The following KRT6C variants were observed in gnomAD, a reference collection of about 807,000 sequenced individuals.
KRT6C encodes the protein keratin 6C, also known as keratin, type II cytoskeletal 6C.
KRT6C carries 46 observed loss-of-function variants against 49.4 expected under a neutral mutation model. The observed-to-expected ratio is 0.93, with a 90% CI of 0.74 to 1.19. The LOEUF (loss-of-function observed/expected upper bound fraction) is 1.19, where lower values mean the gene tolerates loss of function less well. Among genes scored for constraint, KRT6C ranks in the 50% most tolerant of loss-of-function variants. KRT6C has a pLI of 0.00. For missense variants in KRT6C, 552 were observed against 737.5 expected (o/e 0.75, Z 2.91); for synonymous variants, 236 against 297.1 (o/e 0.79, Z 2.12).
chr12:52,472,430 A>T lies in KRT6C; in HGVS notation c.541-150T>A, dbSNP rs181244466. On this transcript the variant is annotated intron_variant, in intron 1 of 8. Transcript: ENST00000252250. The stretch of plus-strand genomic sequence containing the variant: ...GCTCAGGCTGAGCTCTGCTCCCCCA[A>T]CCCCTTCTCCTTTGCACCCCACCAG... The T allele has an allele frequency of 1.8e-5, 14 of 758,340 alleles. No individual in the cohort carries two copies. The African/African-American group carries it at 1.9e-4, about 10-fold the overall frequency. 47.0% of individuals were successfully genotyped at this position (758,340 alleles called of 1,614,324 possible). A position where few individuals can be genotyped will look rare whatever the true frequency, so the allele number is the denominator to read the frequency against.
rs1442386404 is a variant in KRT6C, at chr12:52,468,539, A to C, written c.*523T>G. ...CATTATTCTAAAACCTGCTTTATTT[A>C]GAAATTACAAAGAGCAAAGAGCAGA... On this transcript the variant is annotated 3_prime_UTR_variant, in exon 9 of 9. Coordinates refer to ENST00000252250, the MANE Select transcript of KRT6C (RefSeq NM_173086.5). 6.2e-6 allele frequency: 1 copy of C among 162,072 alleles called. No individual in the cohort carries two copies. Among genetic ancestry groups the C allele is most frequent in the Non-Finnish European group, 1.4e-5 (1 of 73,128 alleles). 10.0% of individuals were successfully genotyped at this position (162,072 alleles called of 1,614,324 possible). A position where few individuals can be genotyped will look rare whatever the true frequency, so the allele number is the denominator to read the frequency against.
chr12:52,470,732 G>A, intron 5 of KRT6C, 102 bp from the exon 6 acceptor site: 1 of 1,610,916 alleles, frequency 6.2e-7, no homozygotes, highest in Non-Finnish European at 8.5e-7. Context: ...GGACCTAATG[G>A]CTTCTCCTCA....
At chr12:52,470,743 A>G in intron 5 of KRT6C, 113 bp from the exon 6 acceptor site, 2 of 1,608,326 alleles carry the variant, frequency 1.2e-6, no homozygotes, top group Middle Eastern at 4.2e-4. Context: ...CTTCTCCTCA[A>G]GAAACTTGAG....
At chr12:52,470,661 G>A in intron 5 of KRT6C, 31 bp from the exon 6 acceptor site, 1 of 1,613,786 alleles carries the variant, frequency 6.2e-7, no homozygotes. Context: ...GAGAGACAGT[G>A]TCTACGGGTT....
Position 52,471,973 on chromosome 12 carries a change from T to C in KRT6C, c.755+93A>G, listed in dbSNP as rs566661742. On this transcript the variant is annotated intron_variant, in intron 2 of 8. Coordinates refer to ENST00000252250, the MANE Select transcript of KRT6C (RefSeq NM_173086.5). ...TAGGGACTAATTTGTGCTTTTCATT[T>C]CCATGGACATGGGTTGTTAGGAATC... 9.9e-5 allele frequency: 124 copies of C among 1,254,542 alleles called. 1 individual carries two copies. The South Asian group carries it at 1.5e-3, about 15-fold the overall frequency. 77.7% of individuals were successfully genotyped at this position (1,254,542 alleles called of 1,614,324 possible).
Position 52,471,307 on chromosome 12 carries a change from G to A in KRT6C, c.913-11C>T, listed in dbSNP as rs1244802761. On this transcript the variant is annotated splice_polypyrimidine_tract_variant and intron_variant, in intron 4 of 8. Coordinates refer to ENST00000252250, the MANE Select transcript of KRT6C (RefSeq NM_173086.5). ...CATCTGGGACAGCTCCTGCAGAACAGAAGGTCATAAGATCAACTTCACATC... is the reference window on the plus strand; with the variant it reads ...CATCTGGGACAGCTCCTGCAGAACAAAAGGTCATAAGATCAACTTCACATC... 7.4e-6 allele frequency: 12 copies of A among 1,614,216 alleles called. No individual in the cohort carries two copies. Among genetic ancestry groups the A allele is most frequent in the Non-Finnish European group, 1.0e-5 (12 of 1,180,038 alleles).
At chr12:52,470,431 A>C in intron 6 of KRT6C, 74 bp downstream of exon 6, 1 of 1,612,852 alleles carries the variant, frequency 6.2e-7, no homozygotes. Flanking sequence ...GAATTATATC[A>C]AATAATGGCT....
Position 52,471,225 on chromosome 12 carries a change from C to T in KRT6C, c.984G>A (p.Leu328=), listed in dbSNP as rs373512100. The T allele has an allele frequency of 6.2e-6, 10 of 1,614,010 alleles. No homozygotes were observed. In the South Asian group the frequency reaches 9.9e-5, roughly 16 times the overall value. ...VVLSMDNNRN[L]DLDSIIAEVK... ...CCTCAGCGATGATGCTGTCCAGGTC[C>T]AGGTTGCGGTTGTTGTCCATGGATA... The change falls in exon 5 of 9, where the codon CTG becomes CTA. Residue 328 remains leucine (L), a synonymous_variant. Coordinates refer to ENST00000252250, the MANE Select transcript of KRT6C (RefSeq NM_173086.5).
Position 52,469,702 on chromosome 12 carries a change from G to A in KRT6C, c.1392C>T (p.Thr464=). The change falls in exon 7 of 9, where the codon ACC becomes ACT. Residue 464 remains threonine, a synonymous_variant. Transcript: ENST00000252250. ...VKLALDVEIA[T]YRKLLEGEEC... ...CCTCGCCCTCCAGCAGCTTGCGGTAGGTGGCGATCTCCACATCCAGGGCCA... is the reference window on the plus strand; with the variant it reads ...CCTCGCCCTCCAGCAGCTTGCGGTAAGTGGCGATCTCCACATCCAGGGCCA... The A allele has an allele frequency of 6.2e-7, 1 of 1,614,148 alleles. No homozygotes were observed. The highest frequency in any genetic ancestry group is 8.5e-7 in the Non-Finnish European group (1 of 1,180,002).
At chr12:52,473,166 A>G in intron 1 of KRT6C, 32 bp downstream of exon 1, 1 of 1,413,250 alleles carries the variant, frequency 7.1e-7, no homozygotes, top group South Asian at 1.1e-5. Flanking sequence ...GGGACCCTGA[A>G]GTGCCCGATG....
At position 52,472,298 on chromosome 12, in the gene KRT6C, T is replaced by A. The variant is rs1030060639; in HGVS notation, c.541-18A>T. The A allele has an allele frequency of 7.1e-7, 1 of 1,407,230 alleles. No homozygotes were observed. Among genetic ancestry groups the A allele is most frequent in the African/African-American group, 1.4e-5 (1 of 73,916 alleles). 87.2% of individuals were successfully genotyped at this position (1,407,230 alleles called of 1,614,324 possible). A position where few individuals can be genotyped will look rare whatever the true frequency, so the allele number is the denominator to read the frequency against. On this transcript the variant is annotated intron_variant, in intron 1 of 8. Transcript: ENST00000252250. ...AACCGCACCTGGAAGGGAAGCAAGA[T>A]GGTCATTTTCCAGGCAAAGGAAGGA... is the stretch of plus-strand genomic sequence containing the variant.
chr12:52,470,682 A>C (rs1386258398), intron 5 of KRT6C, 52 bp from the exon 6 acceptor site: 1 of 1,613,254 alleles, frequency 6.2e-7, no homozygotes, highest in African/African-American at 1.3e-5. Context: ...CTTACCTGGG[A>C]GCGATGACTT....
chr12:52,470,571 C>T lies in KRT6C; in HGVS notation c.1137G>A (p.Gln379=). 1.2e-6 allele frequency: 2 copies of T among 1,614,100 alleles called. No homozygotes were observed. Among genetic ancestry groups the T allele is most frequent in the South Asian group, 1.1e-5 (1 of 91,076 alleles). The part of the protein sequence containing the change: ...RHGDDLRNTK[Q]EIAEINRMIQ... ...TCATGCGGTTGATCTCAGCAATCTC[C>T]TGCTTGGTGTTGCGCAGGTCGTCCC... Residue 379 remains glutamine (Q), a synonymous_variant, in exon 6 of 9, where the codon CAG becomes CAA. Coordinates refer to ENST00000252250, the MANE Select transcript of KRT6C (RefSeq NM_173086.5).
rs1937840232 is a variant in KRT6C, at chr12:52,469,758, T to A, written c.1336A>T (p.Lys446Ter). Residue 446 changes from lysine to a stop codon, truncating the protein, a stop_gained, in exon 7 of 9, where the codon AAG becomes TAG. Coordinates refer to ENST00000252250, the MANE Select transcript of KRT6C (RefSeq NM_173086.5). LOFTEE classifies it high-confidence loss of function. ...ACATTCATCAGCTCCTGGTACTCCT[T>A]CAGCAGCCGGGCCAGGTCCTGCTTG... ...KAKQDLARLL[K>*]EYQELMNVKL... is the part of the protein sequence containing the mutation. 5.6e-6 allele frequency: 9 copies of A among 1,614,114 alleles called. No individual in the cohort carries two copies. Among genetic ancestry groups the A allele is most frequent in the Non-Finnish European group, 5.9e-6 (7 of 1,179,996 alleles).
At position 52,473,798 on chromosome 12, in the gene KRT6C, A is replaced by G. The variant is rs568742693; in HGVS notation, c.-61T>C. 5 of 1,612,440 alleles carry G rather than the reference A, an allele frequency of 3.1e-6. No individual in the cohort carries two copies. The East Asian group carries it at 8.9e-5, about 29-fold the overall frequency. Reference sequence around the variant, plus strand: ...GAGGCTGGAGGCGAGAGGCAGGAGAAGCAGGACAAGGAATCGGGCTCCAGC... The same window carrying G: ...GAGGCTGGAGGCGAGAGGCAGGAGAGGCAGGACAAGGAATCGGGCTCCAGC... On this transcript the variant is annotated 5_prime_UTR_variant, in exon 1 of 9. Coordinates refer to ENST00000252250, the MANE Select transcript of KRT6C (RefSeq NM_173086.5).
Position 52,470,588 on chromosome 12 carries a change from G to A in KRT6C, c.1120C>T (p.Leu374=). ...GCAATCTCCTGCTTGGTGTTGCGCA[G>A]GTCGTCCCCATGTCTGCCTGCTGTG... is the stretch of plus-strand genomic sequence containing the variant. ...QVTAGRHGDD[L]RNTKQEIAEI... The change falls in exon 6 of 9, where the codon CTG becomes TTG. Residue 374 remains leucine, a synonymous_variant. Coordinates refer to ENST00000252250, the MANE Select transcript of KRT6C (RefSeq NM_173086.5). 4 of 1,614,028 alleles carry A rather than the reference G, an allele frequency of 2.5e-6. No individual in the cohort carries two copies. In the South Asian group the frequency reaches 3.3e-5, roughly 13 times the overall value.
At position 52,472,323 on chromosome 12, in the gene KRT6C, A is replaced by G. The variant is rs201853708; in HGVS notation, c.541-43T>C. The G allele has an allele frequency of 5.1e-6, 7 of 1,384,550 alleles. 1 individual carries two copies. The South Asian group carries it at 5.9e-5, about 12-fold the overall frequency. 85.8% of individuals were successfully genotyped at this position (1,384,550 alleles called of 1,614,324 possible). A position where few individuals can be genotyped will look rare whatever the true frequency, so the allele number is the denominator to read the frequency against. On this transcript the variant is annotated intron_variant, in intron 1 of 8. Transcript: ENST00000252250. The stretch of plus-strand genomic sequence containing the variant: ...TGGTCATTTTCCAGGCAAAGGAAGG[A>G]AGAAAAAGTGTCTGGTATCCAGTTT...
Position 52,469,056 on chromosome 12 carries a change from A to G in KRT6C, c.*6T>C. 1 of 1,614,150 alleles carries G rather than the reference A, an allele frequency of 6.2e-7. No homozygotes were observed. Among genetic ancestry groups the G allele is most frequent in the Non-Finnish European group, 8.5e-7 (1 of 1,180,010 alleles). ...GACTGTGGGACCGAGAGCTGGAGGC[A>G]GCACTTTAGTGCTTGTAGCTCTTCC... On this transcript the variant is annotated 3_prime_UTR_variant, in exon 9 of 9. Transcript: ENST00000252250.
In KRT6C at chr12:52,471,314, A is replaced by G; in HGVS notation, c.913-18T>C. ...GACAGCTCCTGCAGAACAGAAGGTC[A>G]TAAGATCAACTTCACATCTGACATT... On this transcript the variant is annotated intron_variant, in intron 4 of 8. Transcript: ENST00000252250. 4.3e-6 allele frequency: 7 copies of G among 1,614,230 alleles called. No homozygotes were observed. Among genetic ancestry groups the G allele is most frequent in the Non-Finnish European group, 5.1e-6 (6 of 1,180,034 alleles).
Sources: gnomAD v4.1 joint callset for allele counts on GRCh38, gnomAD v4.1.1 for gene constraint, MANE v1.5 for transcripts, NCBI Gene and HGNC (gene_info 2026-07-23, HGNC 2026-07-21) for gene names.